MAGI2: variants seen among roughly 807,000 people sequenced by gnomAD.
MAGI2 encodes membrane associated guanylate kinase, WW and PDZ domain containing 2, also known as membrane-associated guanylate kinase, WW and PDZ domain-containing protein 2.
Under a neutral mutation model 133.3 loss-of-function variants are expected in MAGI2, and 35 were observed. The ratio of observed to expected loss-of-function variants is 0.26; its 90% CI spans 0.20 to 0.35. MAGI2 has a LOEUF of 0.35. Ranked by LOEUF, MAGI2 falls within the 10% of genes least tolerant of loss-of-function variation. The probability of loss-of-function intolerance (pLI) is 1.00; values close to 1 mark genes in which losing one functional copy is unlikely to be tolerated. For missense variants in MAGI2, 1,636 were observed against 1,863.4 expected, an observed-to-expected ratio of 0.88 and a Z score of 2.25; for synonymous variants, 729 against 710.6, an observed-to-expected ratio of 1.03 and a Z score of -0.41.
At chr7:78,069,287 C>T (rs1020076576) in intron 21 of MAGI2, among the ~76,000 whole-genome samples, 4 of 152,210 alleles carry the variant, frequency 2.6e-5, no homozygotes, top group African/African-American at 7.2e-5. Context: ...AGAGCAGATA[C>T]GTCCGGCAAT....
chr7:78,725,569 C>T (rs1343043626), intron 2 of MAGI2, among the ~76,000 whole-genome samples: 3 of 152,294 alleles, frequency 2.0e-5, no homozygotes, highest in South Asian at 4.1e-4. Flanking sequence ...GAGGCCTAGG[C>T]GGGCAGATCA....
chr7:78,581,329 A>C (rs531647837), intron 3 of MAGI2, among the ~76,000 whole-genome samples: 10 of 152,294 alleles, frequency 6.6e-5, no homozygotes, highest in African/African-American at 2.4e-4. Flanking sequence ...TCTTGATGCT[A>C]TCAGGGCCAT....
intron 10 of MAGI2, among the ~76,000 whole-genome samples, chr7:78,250,706 A>G (rs1392342618): frequency 6.6e-6 from 1 of 152,108 alleles, no homozygotes; most frequent in East Asian, 1.9e-4. Flanking sequence ...TGATTTAAGA[A>G]GAAAACATTA....
At chr7:78,044,650 AAGTC>A (rs1353021096) in intron 21 of MAGI2, among the ~76,000 whole-genome samples, 2 of 151,356 alleles carry the variant, frequency 1.3e-5, no homozygotes, top group Non-Finnish European at 2.9e-5. Flanking sequence ...AAGATAGACA[AAGTC>A]AGTGCCTTGT....
At chr7:78,889,669 A>C (rs1427945211) in intron 2 of MAGI2, among the ~76,000 whole-genome samples, 1 of 152,226 alleles carries the variant, frequency 6.6e-6, no homozygotes, top group African/African-American at 2.4e-5. Flanking sequence ...TTTACAGACA[A>C]GCAAATACTG....
At chr7:78,276,838 T>C (rs1238782624) in intron 9 of MAGI2, among the ~76,000 whole-genome samples, 1 of 152,136 alleles carries the variant, frequency 6.6e-6, no homozygotes, top group Non-Finnish European at 1.5e-5. Flanking sequence ...AAGAATGATA[T>C]GTGCCTGGTA....
chr7:79,025,138 T>C (rs552705995), intron 1 of MAGI2, among the ~76,000 whole-genome samples: 7 of 151,388 alleles, frequency 4.6e-5, no homozygotes, highest in Admixed American at 2.6e-4. Context: ...ATAAAGAAAA[T>C]GTGATACCTA....
chr7:78,853,332 C>CTTTTTTTTTTTTTTTTTT lies in MAGI2; in HGVS notation c.418+153740_418+153757dup, dbSNP rs60580466. On this transcript the variant is annotated intron_variant, in intron 2 of 21. Coordinates refer to ENST00000354212, the MANE Select transcript of MAGI2 (RefSeq NM_012301.4). ...CTCATATTACTCTTGTCCATTCGTT[C>CTTTTTTTTTTTTTTTTTT]TTTTTTTTTTTTTTTTTTTTTTTTT... is the stretch of plus-strand genomic sequence containing the variant. Among the ~76,000 whole-genome samples, 11 of 25,076 alleles carry CTTTTTTTTTTTTTTTTTT rather than the reference C, an allele frequency of 4.4e-4. 4 individuals carry two copies. Among genetic ancestry groups the CTTTTTTTTTTTTTTTTTT allele is most frequent in the Admixed American group, 1.2e-3 (2 of 1,636 alleles). The allele number at this position is 25,076 out of a possible 152,430, so 16.5% of individuals were successfully genotyped here.
intron 1 of MAGI2, among the ~76,000 whole-genome samples, chr7:79,375,376 C>T (rs940295645): frequency 6.6e-6 from 1 of 151,894 alleles, no homozygotes. Context: ...GATAATGCTC[C>T]TAACTTCAGA....
chr7:79,015,660 T>A (rs549533462), intron 1 of MAGI2, among the ~76,000 whole-genome samples: 1 of 152,292 alleles, frequency 6.6e-6, no homozygotes, highest in East Asian at 1.9e-4. Context: ...ATGCGGAATG[T>A]GTCCCAAAGG....
chr7:78,613,513 G>C (rs1806703690), intron 3 of MAGI2, among the ~76,000 whole-genome samples: 1 of 152,182 alleles, frequency 6.6e-6, no homozygotes, highest in African/African-American at 2.4e-5. Flanking sequence ...TTGAACTATA[G>C]TAGAGAATTC....
At chr7:79,177,832 A>C (rs1826240217) in intron 1 of MAGI2, among the ~76,000 whole-genome samples, 1 of 152,082 alleles carries the variant, frequency 6.6e-6, no homozygotes, top group African/African-American at 2.4e-5. Flanking sequence ...CTGTTACCAC[A>C]AATTGCTATC....
chr7:78,943,528 C>T (rs1042516811), intron 2 of MAGI2, among the ~76,000 whole-genome samples: 3 of 152,164 alleles, frequency 2.0e-5, no homozygotes, highest in Non-Finnish European at 2.9e-5. Flanking sequence ...GCTTTGTGTA[C>T]TGGCTGTTGC....
intron 9 of MAGI2, among the ~76,000 whole-genome samples, chr7:78,260,797 T>C (rs936574458): frequency 2.6e-5 from 4 of 152,220 alleles, no homozygotes; most frequent in Middle Eastern, 3.4e-3. Flanking sequence ...AATTTCAAAG[T>C]GCAAGTGAGG....
intron 2 of MAGI2, among the ~76,000 whole-genome samples, chr7:78,661,032 G>T (rs1812897263): frequency 6.6e-6 from 1 of 152,088 alleles, no homozygotes; most frequent in African/African-American, 2.4e-5. Flanking sequence ...TTCTATTACA[G>T]TTTCTACTTC....
chr7:78,785,816 G>C (rs1044927437), intron 2 of MAGI2, among the ~76,000 whole-genome samples: 1 of 152,086 alleles, frequency 6.6e-6, no homozygotes, highest in Non-Finnish European at 1.5e-5. Context: ...AAGCTGAAGG[G>C]TCACCCAATA....
At chr7:78,589,579 G>T (rs543469407) in intron 3 of MAGI2, among the ~76,000 whole-genome samples, 2 of 152,226 alleles carry the variant, frequency 1.3e-5, no homozygotes, top group South Asian at 2.1e-4. Context: ...CCCTAATTCC[G>T]TGAGTGAGAG....
intron 20 of MAGI2, among the ~76,000 whole-genome samples, chr7:78,117,716 C>A (rs938763892): frequency 6.6e-6 from 1 of 151,862 alleles, no homozygotes; most frequent in Non-Finnish European, 1.5e-5. Flanking sequence ...GGAAAAAAAC[C>A]TCAAAACTCT....
Position 78,369,485 on chromosome 7 carries a change from C to T in MAGI2, c.1046-272G>A, listed in dbSNP as rs114774573. Among the ~76,000 whole-genome samples the T allele has an allele frequency of 8.7e-4, 133 of 152,172 alleles. 1 individual carries two copies. The highest frequency in any genetic ancestry group is 2.8e-3 in the African/African-American group (117 of 41,546). ...CAAATAGTAGGATGGCATGTCATCA[C>T]GTTATCACCATTTAGTGCAATATAG... On this transcript the variant is annotated intron_variant, in intron 6 of 21. Transcript: ENST00000354212.
Sources: allele counts gnomAD v4.1 joint callset (sites outside exome capture counted in the v4.1 genomes callset), GRCh38; gene constraint gnomAD v4.1.1; transcripts MANE v1.5; gene names NCBI Gene and HGNC (gene_info 2026-07-23, HGNC 2026-07-21).